AGBL4: variants seen among roughly 807,000 people sequenced by gnomAD.
AGBL4 encodes the protein AGBL carboxypeptidase 4.
A neutral mutation model predicts 66.4 loss-of-function variants in AGBL4; 58 were observed. The observed-to-expected ratio is 0.87, with a 90% CI of 0.71 to 1.09. The LOEUF (loss-of-function observed/expected upper bound fraction) is 1.09. Ranked by LOEUF, AGBL4 falls within the 50% of genes least tolerant of loss-of-function variation. AGBL4 has a pLI of 0.00. For missense variants in AGBL4, 579 were observed against 631.0 expected, an observed-to-expected ratio of 0.92 and a Z score of 0.88; for synonymous variants, 234 against 222.9, an observed-to-expected ratio of 1.05 and a Z score of -0.44.
intron 2 of AGBL4, among the ~76,000 whole-genome samples, chr1:49,827,338 CAAAG>C (rs1373670300): frequency 2.0e-5 from 3 of 151,654 alleles, no homozygotes; most frequent in Non-Finnish European, 2.9e-5. Flanking sequence ...GATGGGGTGA[CAAAG>C]AAAAGCAAAA....
intron 3 of AGBL4, among the ~76,000 whole-genome samples, chr1:49,502,558 G>T (rs368895196): frequency 6.6e-6 from 1 of 152,010 alleles, no homozygotes; most frequent in South Asian, 2.1e-4. Context: ...GACTTGGAGG[G>T]CTAAGAAGAA....
chr1:48,923,383 G>C (rs1343669743), intron 5 of AGBL4, among the ~76,000 whole-genome samples: 1 of 152,172 alleles, frequency 6.6e-6, no homozygotes, highest in Non-Finnish European at 1.5e-5. Flanking sequence ...GTCTCAAAGG[G>C]TCTGGCAGAG....
intron 5 of AGBL4, among the ~76,000 whole-genome samples, chr1:48,986,379 T>C (rs1464393936): frequency 6.6e-6 from 1 of 151,790 alleles, no homozygotes; most frequent in Non-Finnish European, 1.5e-5. Flanking sequence ...ATCAATTTGT[T>C]TAAAGTCAGT....
intron 2 of AGBL4, among the ~76,000 whole-genome samples, chr1:49,744,119 C>T (rs996411092): frequency 2.6e-5 from 4 of 152,058 alleles, no homozygotes; most frequent in Admixed American, 2.0e-4. Flanking sequence ...TAACATTTGG[C>T]TCTGTATCAC....
intron 1 of AGBL4, among the ~76,000 whole-genome samples, chr1:49,915,340 G>A (rs1651312408): frequency 6.6e-6 from 1 of 152,120 alleles, no homozygotes; most frequent in Non-Finnish European, 1.5e-5. Flanking sequence ...CTTAGCCAAG[G>A]GAAGCCATGA....
intron 5 of AGBL4, among the ~76,000 whole-genome samples, chr1:48,927,401 G>A (rs1208655597): frequency 1.3e-4 from 20 of 152,090 alleles, no homozygotes; most frequent in Admixed American, 1.0e-3. Flanking sequence ...AGAAGAACAT[G>A]GGGAAGACCA....
chr1:49,422,259 C>G (rs1401892228), intron 3 of AGBL4, among the ~76,000 whole-genome samples: 1 of 152,094 alleles, frequency 6.6e-6, no homozygotes, highest in Non-Finnish European at 1.5e-5. Context: ...AGTATTATAA[C>G]AGAAAATTTT....
chr1:49,994,868 T>G (rs1398317693), intron 1 of AGBL4: 1 of 343,002 alleles, frequency 2.9e-6, no homozygotes, highest in Non-Finnish European at 5.7e-6. Flanking sequence ...ACATCCTCAC[T>G]GGGGTACCTG....
chr1:49,393,452 T>C (rs922901466), intron 3 of AGBL4, among the ~76,000 whole-genome samples: 22 of 152,202 alleles, frequency 1.4e-4, no homozygotes, highest in Non-Finnish European at 2.8e-4. Flanking sequence ...CATAGAATTT[T>C]GATTTTGTTC....
chr1:49,949,592 A>T (rs1655885304), intron 1 of AGBL4, among the ~76,000 whole-genome samples: 1 of 151,956 alleles, frequency 6.6e-6, no homozygotes, highest in Admixed American at 6.6e-5. Context: ...CTGGCCAACA[A>T]ACATATGGAA....
chr1:49,326,136 T>C (rs1162424731), intron 3 of AGBL4, among the ~76,000 whole-genome samples: 1 of 152,260 alleles, frequency 6.6e-6, no homozygotes, highest in Non-Finnish European at 1.5e-5. Flanking sequence ...CATTTGTCTT[T>C]ACCCTGAAGA....
intron 3 of AGBL4, among the ~76,000 whole-genome samples, chr1:49,400,682 T>C (rs145509158): frequency 6.6e-6 from 1 of 152,338 alleles, no homozygotes; most frequent in East Asian, 1.9e-4. Context: ...TGCTGGCACA[T>C]GAAAATGTTA....
At chr1:49,337,977 A>AAGG in intron 3 of AGBL4, among the ~76,000 whole-genome samples, 1 of 152,282 alleles carries the variant, frequency 6.6e-6, no homozygotes, top group Admixed American at 6.5e-5. Flanking sequence ...GGGTGATGGG[A>AAGG]AGGAGGAGAA....
intron 5 of AGBL4, among the ~76,000 whole-genome samples, chr1:48,892,969 C>G (rs1253641757): frequency 6.6e-6 from 1 of 152,162 alleles, no homozygotes; most frequent in Non-Finnish European, 1.5e-5. Context: ...TACAGTTAGA[C>G]TCAGAATACA....
chr1:49,009,038 T>G (rs1450336795), intron 5 of AGBL4, among the ~76,000 whole-genome samples: 1 of 149,344 alleles, frequency 6.7e-6, no homozygotes, highest in East Asian at 2.0e-4. Flanking sequence ...AGAGCAGAAC[T>G]GAAGGAAATA....
chr1:48,988,582 A>G (rs1014508513), intron 5 of AGBL4, among the ~76,000 whole-genome samples: 4 of 152,200 alleles, frequency 2.6e-5, no homozygotes, highest in African/African-American at 9.6e-5. Flanking sequence ...GTCTCTCTTC[A>G]GAGGCAAATG....
chr1:48,846,362 G>GGAGA (rs1646910506), intron 6 of AGBL4, among the ~76,000 whole-genome samples: 3 of 118,594 alleles, frequency 2.5e-5, no homozygotes, highest in Non-Finnish European at 5.3e-5. Flanking sequence ...GAGAAAGAAA[G>GGAGA]AAGAAAGAAA....
At chr1:49,056,089 C>G (rs1478707357) in intron 4 of AGBL4, among the ~76,000 whole-genome samples, 1 of 152,102 alleles carries the variant, frequency 6.6e-6, no homozygotes, top group Non-Finnish European at 1.5e-5. Flanking sequence ...GCTTCACCAT[C>G]TACATCCAGG....
At chr1:49,800,420 T>C (rs1377555438) in intron 2 of AGBL4, among the ~76,000 whole-genome samples, 2 of 146,910 alleles carry the variant, frequency 1.4e-5, no homozygotes, top group East Asian at 4.0e-4. Flanking sequence ...ATTGTGCAGG[T>C]TAGTTACATA....
Sources: gnomAD v4.1 joint callset for allele counts (sites outside exome capture counted in the v4.1 genomes callset) on GRCh38, gnomAD v4.1.1 for gene constraint, MANE v1.5 for transcripts, NCBI Gene and HGNC (gene_info 2026-07-23, HGNC 2026-07-21) for gene names.